The following CTNND2 variants were observed in gnomAD, a reference collection of about 807,000 sequenced individuals.
The protein encoded by CTNND2 is catenin delta 2.
In CTNND2, 22 loss-of-function variants were observed where a neutral mutation model predicts 144.4. That is an observed-to-expected ratio of 0.15 (90% CI 0.11 to 0.22). The LOEUF (loss-of-function observed/expected upper bound fraction) is 0.22. CTNND2 is among the 10% of genes least tolerant of loss of function. CTNND2 has a pLI of 1.00. For missense variants in CTNND2, 1,353 were observed against 1,618.8 expected (o/e 0.84, Z 2.82); for synonymous variants, 751 against 695.6 (o/e 1.08, Z -1.25).
rs951954954 is a variant in CTNND2, at chr5:11,108,800, T to C, written c.2463+2058A>G. ...CTGACCAGCAGCTGGTGGAGGACAA[T>C]GTCCCGTCACCTCCAAACCACGCTG... On this transcript the variant is annotated intron_variant, in intron 14 of 21. Transcript: ENST00000304623. Among the ~76,000 whole-genome samples the C allele has an allele frequency of 1.8e-4, 28 of 152,286 alleles. 1 individual carries two copies. The highest frequency in any genetic ancestry group is 5.3e-4 in the African/African-American group (22 of 41,556).
chr5:11,169,704 C>T (rs779629832), intron 11 of CTNND2, among the ~76,000 whole-genome samples: 14 of 152,014 alleles, frequency 9.2e-5, no homozygotes, highest in Non-Finnish European at 1.9e-4. Context: ...AGCACATCTA[C>T]CTCATAGGTC....
At chr5:11,716,666 T>A (rs893215603) in intron 2 of CTNND2, among the ~76,000 whole-genome samples, 1 of 151,842 alleles carries the variant, frequency 6.6e-6, no homozygotes, top group Non-Finnish European at 1.5e-5. Flanking sequence ...TCTTTTTATT[T>A]ACTTATTTGT....
At chr5:11,354,167 T>C (rs986884991) in intron 8 of CTNND2, among the ~76,000 whole-genome samples, 2 of 152,138 alleles carry the variant, frequency 1.3e-5, no homozygotes, top group Non-Finnish European at 2.9e-5. Context: ...AACAATGTGG[T>C]GATAGAGCTG....
chr5:11,179,321 A>AAAAAAC (rs556620130), intron 11 of CTNND2, among the ~76,000 whole-genome samples: 6 of 151,992 alleles, frequency 3.9e-5, no homozygotes, highest in African/African-American at 1.2e-4. Context: ...CAAAAAAACA[A>AAAAAAC]AAAAACAAAA....
At chr5:11,866,539 T>C (rs1479596430) in intron 1 of CTNND2, among the ~76,000 whole-genome samples, 1 of 152,168 alleles carries the variant, frequency 6.6e-6, no homozygotes, top group Non-Finnish European at 1.5e-5. Flanking sequence ...CACTGACAGC[T>C]CTGACACAGG....
chr5:11,265,516 A>G (rs1393837085), intron 9 of CTNND2, among the ~76,000 whole-genome samples: 3 of 152,098 alleles, frequency 2.0e-5, no homozygotes, highest in Non-Finnish European at 2.9e-5. Context: ...ACTTGCCCCC[A>G]AACCATACTC....
intron 3 of CTNND2, among the ~76,000 whole-genome samples, chr5:11,473,195 A>G (rs563785102): frequency 1.6e-4 from 25 of 152,222 alleles, no homozygotes; most frequent in Non-Finnish European, 2.9e-4. Context: ...AGCTTTGACT[A>G]TAAGACTTAA....
At chr5:11,181,372 G>T (rs924359852) in intron 11 of CTNND2, among the ~76,000 whole-genome samples, 1 of 152,202 alleles carries the variant, frequency 6.6e-6, no homozygotes, top group East Asian at 1.9e-4. Flanking sequence ...AGTCTCCTGG[G>T]GGCTCAGGGT....
intron 10 of CTNND2, among the ~76,000 whole-genome samples, chr5:11,209,053 T>C (rs901237182): frequency 6.6e-6 from 1 of 152,096 alleles, no homozygotes; most frequent in Non-Finnish European, 1.5e-5. Flanking sequence ...ACAATATAAA[T>C]ACAAACATTA....
intron 1 of CTNND2, among the ~76,000 whole-genome samples, chr5:11,772,835 T>C (rs1790027908): frequency 6.6e-6 from 1 of 152,230 alleles, no homozygotes; most frequent in Non-Finnish European, 1.5e-5. Context: ...AGATGTTCTA[T>C]GAATACATCT....
rs116409988 is a variant in CTNND2 at position 11,290,542 on chromosome 5, A to G, written c.1629-53719T>C. ...ATTTCATCCATAAATGAGTGACCTCATATGAATAAACACCCATCATTTCAT... is the reference window on the plus strand; with the variant it reads ...ATTTCATCCATAAATGAGTGACCTCGTATGAATAAACACCCATCATTTCAT... On this transcript the variant is annotated intron_variant, in intron 9 of 21. Transcript: ENST00000304623. Among the ~76,000 whole-genome samples, 55 of 152,328 alleles carry G rather than the reference A, an allele frequency of 3.6e-4. 3 individuals are homozygous for G. The South Asian group carries it at 8.9e-3, about 25-fold the overall frequency.
Position 11,904,002 on chromosome 5 carries a change from C to A in CTNND2, c.-149G>T. 1 of 916,842 alleles carries A rather than the reference C, an allele frequency of 1.1e-6. No individual in the cohort carries two copies. Among genetic ancestry groups the A allele is most frequent in the Middle Eastern group, 3.5e-4 (1 of 2,850 alleles). The allele number at this position is 916,842 out of a possible 1,614,324, so 56.8% of individuals were successfully genotyped here. Reference sequence around the variant, plus strand: ...CCGCGGGACAAGGGATGCTGGCGGGCGGCAGGGGCGAGCGCCGCGGGCGAG... The same window carrying A: ...CCGCGGGACAAGGGATGCTGGCGGGAGGCAGGGGCGAGCGCCGCGGGCGAG... On this transcript the variant is annotated 5_prime_UTR_variant, in exon 1 of 22. Transcript: ENST00000304623. This position sits in a 1 kb window ranked among gnomAD's most constrained non-coding sequence, Gnocchi z 4.2.
chr5:11,299,740 A>T (rs772769352), intron 9 of CTNND2, among the ~76,000 whole-genome samples: 7 of 152,188 alleles, frequency 4.6e-5, no homozygotes, highest in Non-Finnish European at 1.0e-4. Flanking sequence ...GGATGCTGAG[A>T]ACAAGTGCAA....
rs763989340 is a variant in CTNND2 at position 11,316,472 on chromosome 5, TTATTA to T, written c.1628+29895_1628+29899del. On this transcript the variant is annotated intron_variant, in intron 9 of 21. Transcript: ENST00000304623. ...AGGTACTCTTATCCACTATTTTTTA[TTATTA>T]TTATTATTATTATTATTATTATTAT... Among the ~76,000 whole-genome samples the T allele has an allele frequency of 1.3e-3, 119 of 88,430 alleles. 1 individual carries two copies. Among genetic ancestry groups the T allele is most frequent in the Middle Eastern group, 8.3e-3 (2 of 240 alleles). 58.0% of individuals were successfully genotyped at this position (88,430 alleles called of 152,430 possible). A position where few individuals can be genotyped will look rare whatever the true frequency, so the allele number is the denominator to read the frequency against.
At chr5:11,554,961 T>TA (rs1313304716) in intron 3 of CTNND2, among the ~76,000 whole-genome samples, 3 of 151,106 alleles carry the variant, frequency 2.0e-5, no homozygotes, top group Admixed American at 2.0e-4. Context: ...GTACATAACA[T>TA]AAAAAAATGA....
intron 18 of CTNND2, among the ~76,000 whole-genome samples, chr5:11,011,266 T>C (rs1741048477): frequency 6.6e-6 from 1 of 152,166 alleles, no homozygotes; most frequent in African/African-American, 2.4e-5. Flanking sequence ...CAGGCTGGAG[T>C]GCAGTGGTGT....
At chr5:11,854,355 A>G (rs1351124316) in intron 1 of CTNND2, among the ~76,000 whole-genome samples, 2 of 152,150 alleles carry the variant, frequency 1.3e-5, no homozygotes, top group Admixed American at 1.3e-4. Flanking sequence ...CTAACATACA[A>G]TTTACTCATT....
At chr5:11,044,545 C>CATATATATAT (rs35127513) in intron 16 of CTNND2, among the ~76,000 whole-genome samples, 30 of 146,730 alleles carry the variant, frequency 2.0e-4, no homozygotes, top group African/African-American at 6.7e-4. Context: ...AAAAAAAATA[C>CATATATATAT]ATATATATAT....
intron 3 of CTNND2, among the ~76,000 whole-genome samples, chr5:11,461,760 A>G (rs1257799464): frequency 6.6e-6 from 1 of 152,212 alleles, no homozygotes; most frequent in Non-Finnish European, 1.5e-5. Flanking sequence ...AAATGTTTGC[A>G]CTCACGTTCA....
Sources: allele counts gnomAD v4.1 joint callset (sites outside exome capture counted in the v4.1 genomes callset), GRCh38; gene constraint gnomAD v4.1.1; non-coding constraint Gnocchi (gnomAD v3.1); transcripts MANE v1.5; gene names NCBI Gene and HGNC (gene_info 2026-07-23, HGNC 2026-07-21).